The following CDKAL1 variants were observed in gnomAD, a reference collection of about 807,000 sequenced individuals.
CDKAL1 encodes threonylcarbamoyladenosine tRNA methylthiotransferase.
CDKAL1 carries 32 observed loss-of-function variants against 68.2 expected under a neutral mutation model. That is an observed-to-expected ratio of 0.47 (90% CI 0.35 to 0.63). The LOEUF (loss-of-function observed/expected upper bound fraction) is 0.63, where lower values mean the gene tolerates loss of function less well. Among genes scored for constraint, CDKAL1 ranks in the 30% least tolerant of loss-of-function variants. CDKAL1 has a pLI of 0.00. For synonymous variants in CDKAL1, 234 were observed against 244.3 expected (o/e 0.96, Z 0.39); for missense variants, 606 against 696.7 (o/e 0.87, Z 1.47).
chr6:21,155,147 G>A (rs1204371474), intron 13 of CDKAL1, among the ~76,000 whole-genome samples: 2 of 152,178 alleles, frequency 1.3e-5, no homozygotes, highest in East Asian at 1.9e-4. Flanking sequence ...AAACTCAGTT[G>A]TAAAAAATTT....
chr6:20,732,055 A>C (rs930348248), intron 5 of CDKAL1, among the ~76,000 whole-genome samples: 3 of 151,616 alleles, frequency 2.0e-5, no homozygotes, highest in African/African-American at 4.9e-5. Context: ...TAATTAAAAA[A>C]ATTTTTTTGA....
At position 20,624,221 on chromosome 6, in the gene CDKAL1, G is replaced by T. The variant is rs775465195; in HGVS notation, c.287-25072G>T. ...GAGGAAGTATAAACAGAGATAGGTA[G>T]TCAGTTCTTGGTAGATACCTTTTTC... On this transcript the variant is annotated intron_variant, in intron 4 of 15. Coordinates refer to ENST00000274695, the MANE Select transcript of CDKAL1 (RefSeq NM_017774.3). Among the ~76,000 whole-genome samples the T allele has an allele frequency of 2.9e-4, 44 of 152,128 alleles. 1 individual carries two copies. Among genetic ancestry groups the T allele is most frequent in the Non-Finnish European group, 5.6e-4 (38 of 67,950 alleles).
At chr6:20,713,081 G>A (rs1771924977) in intron 5 of CDKAL1, among the ~76,000 whole-genome samples, 1 of 152,176 alleles carries the variant, frequency 6.6e-6, no homozygotes, top group African/African-American at 2.4e-5. Flanking sequence ...TGCCTGTAAT[G>A]AGAAGTGTTT....
At chr6:20,901,182 G>A (rs1222839993) in intron 9 of CDKAL1, among the ~76,000 whole-genome samples, 3 of 152,076 alleles carry the variant, frequency 2.0e-5, no homozygotes, top group African/African-American at 2.4e-5. Flanking sequence ...TAGCCCTTTC[G>A]GTGATGTACA....
At chr6:21,007,614 T>C (rs2150833324) in intron 11 of CDKAL1, among the ~76,000 whole-genome samples, 1 of 152,304 alleles carries the variant, frequency 6.6e-6, no homozygotes, top group Admixed American at 6.5e-5. Flanking sequence ...TTTCTATTTT[T>C]ATCGGTTATG....
chr6:20,742,671 C>T (rs564945636), intron 6 of CDKAL1, among the ~76,000 whole-genome samples: 72 of 151,746 alleles, frequency 4.7e-4, no homozygotes, highest in Middle Eastern at 3.5e-3. Context: ...AATGCTCTCG[C>T]TGGTCTTTTA....
intron 9 of CDKAL1, among the ~76,000 whole-genome samples, chr6:20,904,951 GC>G (rs1762170215): frequency 6.6e-6 from 1 of 152,068 alleles, no homozygotes; most frequent in South Asian, 2.1e-4. Context: ...AAAACCAAAA[GC>G]CGCAGCAAAC....
At chr6:21,113,593 T>C (rs1774233446) in intron 13 of CDKAL1, among the ~76,000 whole-genome samples, 1 of 151,846 alleles carries the variant, frequency 6.6e-6, no homozygotes, top group Non-Finnish European at 1.5e-5. Context: ...ACCTCTGCCT[T>C]CCGGGTTCAA....
intron 5 of CDKAL1, among the ~76,000 whole-genome samples, chr6:20,662,472 C>A (rs781690827): frequency 1.1e-3 from 165 of 152,188 alleles, no homozygotes; most frequent in Non-Finnish European, 1.9e-3. Flanking sequence ...TTTTGTAGCT[C>A]TAAGGCTGAG....
intron 11 of CDKAL1, among the ~76,000 whole-genome samples, chr6:21,019,420 T>C (rs1768512908): frequency 6.6e-6 from 1 of 152,240 alleles, no homozygotes; most frequent in Admixed American, 6.5e-5. Flanking sequence ...TATCACTTTT[T>C]TTTCTAATTA....
intron 12 of CDKAL1, among the ~76,000 whole-genome samples, chr6:21,066,358 GA>G (rs947563693): frequency 1.3e-5 from 2 of 151,326 alleles, no homozygotes; most frequent in East Asian, 3.9e-4. Flanking sequence ...TCTAATCAAT[GA>G]AAAAAAAGCA....
chr6:21,076,641 C>T (rs1772090526), intron 12 of CDKAL1, among the ~76,000 whole-genome samples: 1 of 152,086 alleles, frequency 6.6e-6, no homozygotes. Flanking sequence ...AAAATATTTT[C>T]AAGAATTTTT....
chr6:20,726,906 A>G (rs995999553), intron 5 of CDKAL1, among the ~76,000 whole-genome samples: 4 of 152,228 alleles, frequency 2.6e-5, no homozygotes, highest in Non-Finnish European at 4.4e-5. Flanking sequence ...TTCACTATCT[A>G]TATCAAAAGG....
chr6:21,181,018 AG>A (rs1777767755), intron 13 of CDKAL1, among the ~76,000 whole-genome samples: 1 of 152,210 alleles, frequency 6.6e-6, no homozygotes, highest in African/African-American at 2.4e-5. Flanking sequence ...CTGCTGGCAG[AG>A]AGATCATGTG....
chr6:21,136,994 C>T (rs181620443), intron 13 of CDKAL1, among the ~76,000 whole-genome samples: 11 of 152,240 alleles, frequency 7.2e-5, no homozygotes, highest in Admixed American at 4.6e-4. Context: ...TTGACAGCCC[C>T]GACCAGCGTC....
chr6:20,937,532 T>C (rs775476698), intron 9 of CDKAL1, among the ~76,000 whole-genome samples: 16 of 152,240 alleles, frequency 1.1e-4, no homozygotes, highest in Non-Finnish European at 2.2e-4. Context: ...CCCAGGTCCA[T>C]CTAGGATCCC....
chr6:20,926,174 G>A (rs750639748), intron 9 of CDKAL1, among the ~76,000 whole-genome samples: 1 of 152,056 alleles, frequency 6.6e-6, no homozygotes, highest in Non-Finnish European at 1.5e-5. Flanking sequence ...ATGGAAATTC[G>A]CTGCAGAAGG....
At chr6:20,544,393 C>G (rs554387255) in intron 2 of CDKAL1, among the ~76,000 whole-genome samples, 1 of 151,380 alleles carries the variant, frequency 6.6e-6, no homozygotes, top group African/African-American at 2.4e-5. Flanking sequence ...GTCAGGAGAT[C>G]GAGACCATCC....
chr6:20,880,992 CT>C (rs1381507843), intron 9 of CDKAL1, among the ~76,000 whole-genome samples: 1 of 152,210 alleles, frequency 6.6e-6, no homozygotes, highest in Non-Finnish European at 1.5e-5. Flanking sequence ...CCCACCAACT[CT>C]GTTACCTGGA....
Sources: allele counts gnomAD v4.1 joint callset (sites outside exome capture counted in the v4.1 genomes callset), GRCh38; gene constraint gnomAD v4.1.1; transcripts MANE v1.5; gene names NCBI Gene and HGNC (gene_info 2026-07-23, HGNC 2026-07-21).